Variants in TBXAS1 observed in about 807,000 individuals in gnomAD.
TBXAS1 encodes the protein thromboxane A synthase 1.
In TBXAS1, 48 loss-of-function variants were observed where a neutral mutation model predicts 60.7. The ratio of observed to expected loss-of-function variants is 0.79; its 90% CI spans 0.63 to 1.01. The LOEUF is 1.01. Among genes scored for constraint, TBXAS1 ranks in the 50% least tolerant of loss-of-function variants. The probability of loss-of-function intolerance (pLI) is 0.00; values close to 1 mark genes in which losing one functional copy is unlikely to be tolerated. For synonymous variants in TBXAS1, 287 were observed against 269.7 expected (o/e 1.06, Z -0.63); for missense variants, 685 against 686.3 (o/e 1.00, Z 0.02).
At chr7:139,938,036 C>T (rs1807945297) in intron 5 of TBXAS1, among the ~76,000 whole-genome samples, 1 of 152,180 alleles carries the variant, frequency 6.6e-6, no homozygotes, top group Admixed American at 6.5e-5. Flanking sequence ...TTTCTCTTAT[C>T]TTACTGGTAA....
At position 139,920,153 on chromosome 7, in the gene TBXAS1, G is replaced by T. The variant is rs114722337; in HGVS notation, c.333+8832G>T. On this transcript the variant is annotated intron_variant, in intron 4 of 12. Coordinates refer to ENST00000448866, the MANE Select transcript of TBXAS1 (RefSeq NM_001061.7). ...AGAGACTGTGGTCTTGACACATTCTGTGTGGGGTTCATCCACATCTTCCTA... is the reference window on the plus strand; with the variant it reads ...AGAGACTGTGGTCTTGACACATTCTTTGTGGGGTTCATCCACATCTTCCTA... Among the ~76,000 whole-genome samples, 577 of 152,380 alleles carry T rather than the reference G, an allele frequency of 3.8e-3. 4 individuals carry two copies. The highest frequency in any genetic ancestry group is 0.013 in the African/African-American group (545 of 41,590).
intron 12 of TBXAS1, 116 bp from the exon 13 acceptor site, chr7:140,019,909 T>A: frequency 3.1e-6 from 3 of 977,536 alleles, no homozygotes; most frequent in Non-Finnish European, 4.8e-6. Context: ...TGCTCTCTGC[T>A]TTCTTCTTGT....
intron 1 of TBXAS1, among the ~76,000 whole-genome samples, chr7:139,845,114 G>A (rs1326870778): frequency 6.6e-6 from 1 of 152,104 alleles, no homozygotes; most frequent in Non-Finnish European, 1.5e-5. Flanking sequence ...TGCTGCAGTT[G>A]AGGACTTCAA....
chr7:140,017,401 T>C (rs1379319670), intron 11 of TBXAS1, among the ~76,000 whole-genome samples: 1 of 152,176 alleles, frequency 6.6e-6, no homozygotes, highest in Non-Finnish European at 1.5e-5. Context: ...GTGGGCTTAT[T>C]AGCCACACAC....
chr7:139,872,974 T>C (rs182161281), intron 2 of TBXAS1, among the ~76,000 whole-genome samples: 6 of 152,300 alleles, frequency 3.9e-5, no homozygotes, highest in Admixed American at 6.5e-5. Context: ...CACTGTCAAA[T>C]GATGGCATGC....
chr7:139,785,466 T>TCG (rs1298189623), intron 3 of TBXAS1, among the ~76,000 whole-genome samples: 10 of 94,162 alleles, frequency 1.1e-4, no homozygotes, highest in Non-Finnish European at 1.3e-4. Flanking sequence ...GACCCATTGT[T>TCG]TCGTTGTTGT....
intron 1 of TBXAS1, among the ~76,000 whole-genome samples, chr7:139,855,644 T>C (rs915336618): frequency 1.2e-4 from 18 of 152,138 alleles, no homozygotes; most frequent in Admixed American, 2.0e-4. Flanking sequence ...TAGGAGGAAG[T>C]GGGAGGTTTT....
chr7:139,795,758 C>A (rs1797549077), intron 4 of TBXAS1, among the ~76,000 whole-genome samples: 1 of 152,078 alleles, frequency 6.6e-6, no homozygotes, highest in Admixed American at 6.5e-5. Context: ...CCTGTTCCTC[C>A]TCACTGTTTC....
At chr7:139,814,275 C>A (rs981136316) in intron 4 of TBXAS1, among the ~76,000 whole-genome samples, 6 of 152,274 alleles carry the variant, frequency 3.9e-5, no homozygotes, top group African/African-American at 1.4e-4. Context: ...GGTTCCAACC[C>A]TCACCCTCTC....
chr7:139,891,356 T>A (rs1935629177), intron 3 of TBXAS1, among the ~76,000 whole-genome samples: 1 of 151,916 alleles, frequency 6.6e-6, no homozygotes, highest in African/African-American at 2.4e-5. Flanking sequence ...CCCTCCAATA[T>A]AGTATCTCCC....
At chr7:139,819,916 T>C (rs1050560834) in intron 4 of TBXAS1, among the ~76,000 whole-genome samples, 6 of 151,982 alleles carry the variant, frequency 3.9e-5, no homozygotes, top group Admixed American at 2.0e-4. Flanking sequence ...AATTATCTTC[T>C]GCTTGAGAGT....
At chr7:139,926,764 C>G (rs1318144379) in intron 4 of TBXAS1, among the ~76,000 whole-genome samples, 1 of 151,792 alleles carries the variant, frequency 6.6e-6, no homozygotes, top group African/African-American at 2.4e-5. Context: ...GCACTTATAA[C>G]TATAAATTTT....
intron 3 of TBXAS1, among the ~76,000 whole-genome samples, chr7:139,908,906 T>C (rs1805306397): frequency 6.6e-6 from 1 of 152,184 alleles, no homozygotes; most frequent in Non-Finnish European, 1.5e-5. Flanking sequence ...AATGCCATTA[T>C]TTCCACTTTT....
In TBXAS1 at chr7:139,963,734, C is replaced by G. The variant is rs568901750; in HGVS notation, c.1134+1501C>G. 2.0e-5 allele frequency among the ~76,000 whole-genome samples: 3 copies of G among 152,094 alleles called. No individual in the cohort carries two copies. The East Asian group carries it at 5.8e-4, about 29-fold the overall frequency. On this transcript the variant is annotated intron_variant, in intron 9 of 12. Transcript: ENST00000448866. ...AGAACCCCAACCCAACTGATTTAAG[C>G]AAAACAAAAACAAAAAGTAAAAACA...
At chr7:139,906,798 A>G (rs1805125301) in intron 3 of TBXAS1, among the ~76,000 whole-genome samples, 3 of 152,114 alleles carry the variant, frequency 2.0e-5, no homozygotes, top group Non-Finnish European at 4.4e-5. Flanking sequence ...TCTTTCATCA[A>G]CATTGTAAAT....
intron 3 of TBXAS1, among the ~76,000 whole-genome samples, chr7:139,878,204 A>G (rs1464316416): frequency 1.7e-5 from 2 of 116,912 alleles, no homozygotes; most frequent in Non-Finnish European, 3.6e-5. Context: ...AGAGAAAGAG[A>G]TAGAAAGAGA....
At chr7:139,918,677 C>G (rs951093300) in intron 4 of TBXAS1, among the ~76,000 whole-genome samples, 1 of 152,192 alleles carries the variant, frequency 6.6e-6, no homozygotes, top group Non-Finnish European at 1.5e-5. Flanking sequence ...GCTGGAACTC[C>G]GTCAGGCAGG....
intron 4 of TBXAS1, among the ~76,000 whole-genome samples, chr7:139,788,991 T>G (rs4726715): frequency 0.67 from 102,198 of 152,106 alleles, 36,554 homozygotes; most frequent in East Asian, 0.95. Flanking sequence ...GATTTTGAGT[T>G]TAAGTGCCCA....
intron 9 of TBXAS1, among the ~76,000 whole-genome samples, chr7:139,977,155 G>T (rs1438960050): frequency 3.9e-5 from 6 of 152,082 alleles, no homozygotes; most frequent in Non-Finnish European, 8.8e-5. Context: ...ACTCTAGGAG[G>T]GTGTATTAGT....
Sources: gnomAD v4.1 joint callset for allele counts (sites outside exome capture counted in the v4.1 genomes callset) on GRCh38, gnomAD v4.1.1 for gene constraint, MANE v1.5 for transcripts, NCBI Gene and HGNC (gene_info 2026-07-23, HGNC 2026-07-21) for gene names.